Variants in UBE3C observed in about 807,000 individuals in gnomAD.
UBE3C encodes the protein ubiquitin protein ligase E3C, also known as ubiquitin-protein ligase E3C.
A neutral mutation model predicts 129.4 loss-of-function variants in UBE3C; 42 were observed. The observed-to-expected ratio is 0.32, with a 90% CI of 0.25 to 0.42. UBE3C has a LOEUF of 0.42. Ranked by LOEUF, UBE3C falls within the 10% of genes least tolerant of loss-of-function variation. The pLI, the probability that UBE3C is intolerant of heterozygous loss-of-function variation, is 1.00. For synonymous variants in UBE3C, 510 were observed against 492.4 expected (o/e 1.04, Z -0.47); for missense variants, 1,049 against 1,319.1 (o/e 0.80, Z 3.17).
At chr7:157,163,005 GAAAA>G (rs893873705) in intron 1 of UBE3C, among the ~76,000 whole-genome samples, 4 of 151,648 alleles carry the variant, frequency 2.6e-5, no homozygotes, top group African/African-American at 9.7e-5. Context: ...TTTTATTTAT[GAAAA>G]AAAATTTTCA....
intron 18 of UBE3C, among the ~76,000 whole-genome samples, chr7:157,232,148 A>AT (rs763595747): frequency 2.6e-4 from 39 of 151,630 alleles, no homozygotes; most frequent in Admixed American, 7.9e-4. Flanking sequence ...ACATTGCCTT[A>AT]TTTTTTTTAA....
intron 1 of UBE3C, among the ~76,000 whole-genome samples, chr7:157,140,487 T>C (rs10274687): frequency 3.3e-5 from 5 of 152,166 alleles, no homozygotes; most frequent in South Asian, 4.2e-4. Context: ...TTAAGGGTGG[T>C]CGTGGTAGCA....
chr7:157,142,162 G>T (rs1807471772), intron 1 of UBE3C, among the ~76,000 whole-genome samples: 1 of 152,104 alleles, frequency 6.6e-6, no homozygotes, highest in African/African-American at 2.4e-5. Context: ...TTGTTTTCCT[G>T]AATTCTCTTT....
At chr7:157,185,922 C>T (rs959982199) in intron 9 of UBE3C, among the ~76,000 whole-genome samples, 1 of 151,926 alleles carries the variant, frequency 6.6e-6, no homozygotes, top group African/African-American at 2.4e-5. Context: ...AGTTTCCAGA[C>T]AATACAGTCA....
chr7:157,161,454 C>CT (rs58211871), intron 1 of UBE3C, among the ~76,000 whole-genome samples: 4,061 of 141,220 alleles, frequency 0.029, 81 homozygotes, highest in Non-Finnish European at 0.042. Flanking sequence ...TTTGATTTTA[C>CT]TTTTTTTTTT....
chr7:157,163,285 G>A (rs1808122587), intron 1 of UBE3C, among the ~76,000 whole-genome samples: 1 of 151,674 alleles, frequency 6.6e-6, no homozygotes, highest in Non-Finnish European at 1.5e-5. Flanking sequence ...TACTTGGGAG[G>A]CTGAGGCAGG....
Position 157,139,255 on chromosome 7 carries a change from A to C in UBE3C, c.-18A>C. The C allele has an allele frequency of 6.6e-7, 1 of 1,515,370 alleles. No individual in the cohort carries two copies. The highest frequency in any genetic ancestry group is 8.8e-7 in the Non-Finnish European group (1 of 1,134,284). The allele number at this position is 1,515,370 out of a possible 1,614,324, so 93.9% of individuals were successfully genotyped here. On this transcript the variant is annotated 5_prime_UTR_variant, in exon 1 of 23. It removes an upstream start codon present in the reference 5' UTR. Coordinates refer to ENST00000348165, the MANE Select transcript of UBE3C (RefSeq NM_014671.3). ...GCTTCCGCGGCGGCGCTGCCCGCACATGGGCTAGGCTGCCAGGATGTTCAG... is the reference window on the plus strand; with the variant it reads ...GCTTCCGCGGCGGCGCTGCCCGCACCTGGGCTAGGCTGCCAGGATGTTCAG...
chr7:157,190,277 C>G (rs1438662161), intron 10 of UBE3C, among the ~76,000 whole-genome samples: 1 of 152,140 alleles, frequency 6.6e-6, no homozygotes, highest in Non-Finnish European at 1.5e-5. Flanking sequence ...TGTCCCCTCC[C>G]AGGGTCTGAA....
rs541710052 is a variant in UBE3C, at chr7:157,265,166, C to G, written c.3082-2419C>G. On this transcript the variant is annotated intron_variant, in intron 22 of 22. Coordinates refer to ENST00000348165, the MANE Select transcript of UBE3C (RefSeq NM_014671.3). ...TGTGAATGTGGGTGAAGCCCCTGCT[C>G]CTGCTGCCAGGCCCACCTCTCAGAG... Among the ~76,000 whole-genome samples the G allele has an allele frequency of 4.6e-5, 7 of 152,296 alleles. No individual in the cohort carries two copies. In the South Asian group the frequency reaches 1.5e-3, roughly 32 times the overall value.
chr7:157,174,402 AT>A (rs1205090067), intron 4 of UBE3C, among the ~76,000 whole-genome samples: 1 of 152,124 alleles, frequency 6.6e-6, no homozygotes, highest in Non-Finnish European at 1.5e-5. Context: ...TTAGTTACTA[AT>A]TTAGTAATTT....
chr7:157,233,942 TAATAATG>T lies in UBE3C; in HGVS notation c.2481+2616_2481+2622del, dbSNP rs1256027889. ...TTGTGGTTTTAATTTCCCTGGTGAC[TAATAATG>T]TTGACCATCTTTTCATGTGCTTCAT... On this transcript the variant is annotated intron_variant, in intron 18 of 22. Transcript: ENST00000348165. 2.0e-5 allele frequency among the ~76,000 whole-genome samples: 3 copies of T among 152,234 alleles called. No individual in the cohort carries two copies. The East Asian group carries it at 5.8e-4, about 29-fold the overall frequency.
chr7:157,209,515 T>C (rs1026398713), intron 13 of UBE3C, among the ~76,000 whole-genome samples: 4 of 152,226 alleles, frequency 2.6e-5, no homozygotes, highest in African/African-American at 9.6e-5. Flanking sequence ...GTCTCACCTA[T>C]TTAAAACTTA....
chr7:157,197,738 A>C, intron 10 of UBE3C: 1 of 1,611,578 alleles, frequency 6.2e-7, no homozygotes. Flanking sequence ...AAGACTGTAC[A>C]ATAAAGTTCC....
At chr7:157,187,667 C>A (rs370613140) in intron 10 of UBE3C, among the ~76,000 whole-genome samples, 2 of 151,980 alleles carry the variant, frequency 1.3e-5, no homozygotes, top group Admixed American at 1.3e-4. Context: ...GCTCTGCCCC[C>A]CTGGGTTCAT....
intron 4 of UBE3C, among the ~76,000 whole-genome samples, chr7:157,171,093 G>A (rs1328132816): frequency 6.7e-6 from 1 of 148,974 alleles, no homozygotes; most frequent in Non-Finnish European, 1.5e-5. Context: ...AATTATAGGC[G>A]TGAGCCACTG....
chr7:157,197,471 A>C, intron 10 of UBE3C: 1 of 713,142 alleles, frequency 1.4e-6, no homozygotes, highest in South Asian at 2.9e-5. Context: ...AATAACAATA[A>C]AACCAAAATT....
intron 17 of UBE3C, among the ~76,000 whole-genome samples, chr7:157,229,149 G>A (rs1004662813): frequency 2.6e-5 from 4 of 152,004 alleles, no homozygotes; most frequent in African/African-American, 4.8e-5. Flanking sequence ...CCCAACTCTC[G>A]TCCCCTCTCC....
intron 14 of UBE3C, 39 bp downstream of exon 14, chr7:157,217,010 A>AG: frequency 6.7e-7 from 1 of 1,488,038 alleles, no homozygotes; most frequent in Non-Finnish European, 9.3e-7. Context: ...ATCATTAAAA[A>AG]ATACATTCAG....
chr7:157,160,482 C>T (rs1005542438), intron 1 of UBE3C, among the ~76,000 whole-genome samples: 14 of 152,112 alleles, frequency 9.2e-5, no homozygotes, highest in African/African-American at 3.4e-4. Flanking sequence ...TGAAAGATTT[C>T]CCCTTAAGAT....
Sources: gnomAD v4.1 joint callset for allele counts (sites outside exome capture counted in the v4.1 genomes callset) on GRCh38, gnomAD v4.1.1 for gene constraint, MANE v1.5 for transcripts, NCBI Gene and HGNC (gene_info 2026-07-23, HGNC 2026-07-21) for gene names.